PFKP: variants seen among roughly 807,000 people sequenced by gnomAD.
PFKP encodes the protein phosphofructokinase, platelet, also known as ATP-dependent 6-phosphofructokinase, platelet type.
PFKP carries 101 observed loss-of-function variants against 94.3 expected under a neutral mutation model. The observed-to-expected ratio is 1.07, with a 90% CI of 0.91 to 1.26. The LOEUF (loss-of-function observed/expected upper bound fraction) is 1.26, where lower values mean the gene tolerates loss of function less well. Among genes scored for constraint, PFKP ranks in the 50% most tolerant of loss-of-function variants. PFKP has a pLI of 0.00. For synonymous variants in PFKP, 573 were observed against 432.6 expected (o/e 1.32, Z -4.03); for missense variants, 1,145 against 1,103.3 (o/e 1.04, Z -0.53).
intron 15 of PFKP, 131 bp from the exon 16 acceptor site, chr10:3,119,761 G>A (rs964909729): frequency 1.6e-5 from 11 of 672,700 alleles, no homozygotes; most frequent in Admixed American, 5.1e-5. Flanking sequence ...TGTTGATCTC[G>A]GAGTGTTTTC....
chr10:3,130,098 T>C, intron 17 of PFKP, 115 bp downstream of exon 17: 2 of 930,716 alleles, frequency 2.1e-6, no homozygotes, highest in East Asian at 2.7e-5. Context: ...ATGGAGATGC[T>C]ACAGAACATG....
Position 3,103,809 on chromosome 10 carries a change from A to G in PFKP, c.485A>G (p.Tyr162Cys), listed in dbSNP as rs140122747. The change falls in exon 5 of 22, where the codon TAC (tyrosine) becomes TGC (cysteine). Residue 162 changes from tyrosine (Y) to cysteine (C), a missense_variant. Physicochemically the swap from Tyr to Cys is radical, Grantham distance 194. Around this residue, in one of 3 missense-constraint regions of PFKP, gnomAD observed 1,119 missense variants for 1,062.8 expected, o/e 1.05. Coordinates refer to ENST00000381125, the MANE Select transcript of PFKP (RefSeq NM_002627.5). The part of the protein sequence containing the change: ...GQIDKEAVQK[Y>C]AYLNVVGMVG... Reference sequence around the variant, plus strand: ...ATCGATAAGGAGGCCGTGCAGAAGTACGCCTACCTCAACGTGGTGGGCATG... The same window carrying G: ...ATCGATAAGGAGGCCGTGCAGAAGTGCGCCTACCTCAACGTGGTGGGCATG... The G allele has an allele frequency of 2.9e-5, 46 of 1,613,958 alleles. No individual in the cohort carries two copies. The African/African-American group carries it at 4.4e-4, about 15-fold the overall frequency.
chr10:3,076,352 G>T (rs898771763), intron 1 of PFKP, among the ~76,000 whole-genome samples: 64 of 152,252 alleles, frequency 4.2e-4, no homozygotes, highest in African/African-American at 1.5e-3. Flanking sequence ...GCCACGCAGA[G>T]GACCCTGGAA....
At chr10:3,087,494 T>C (rs1833695113) in intron 2 of PFKP, among the ~76,000 whole-genome samples, 1 of 152,366 alleles carries the variant, frequency 6.6e-6, no homozygotes, top group African/African-American at 2.4e-5. Flanking sequence ...ACGGAATTTC[T>C]GCAATTCTTC....
rs1247882360 is a variant in PFKP, at chr10:3,119,805, T to G, written c.1531-87T>G. 3.3e-6 allele frequency: 4 copies of G among 1,209,248 alleles called. No homozygotes were observed. In the African/African-American group the frequency reaches 5.9e-5, roughly 18 times the overall value. The allele number at this position is 1,209,248 out of a possible 1,614,324, so 74.9% of individuals were successfully genotyped here. On this transcript the variant is annotated intron_variant, in intron 15 of 21. Coordinates refer to ENST00000381125, the MANE Select transcript of PFKP (RefSeq NM_002627.5). ...CCAGTGTGCTCCCTGCGTGCTGTGG[T>G]GGAGGTGGCGCTCCCAGCCTCTCCC...
chr10:3,110,128 G>T (rs1005284380), intron 10 of PFKP, among the ~76,000 whole-genome samples: 1 of 152,204 alleles, frequency 6.6e-6, no homozygotes, highest in African/African-American at 2.4e-5. Context: ...GGGAAAAGCA[G>T]TTCCAGCTTT....
intron 1 of PFKP, among the ~76,000 whole-genome samples, chr10:3,080,380 G>A (rs1832957516): frequency 6.6e-6 from 1 of 152,036 alleles, no homozygotes; most frequent in East Asian, 1.9e-4. Flanking sequence ...AGCCAGGCGT[G>A]GTGGCGGGCG....
chr10:3,126,161 C>T lies in PFKP; in HGVS notation c.1684-3658C>T, dbSNP rs572697223. On this transcript the variant is annotated intron_variant, in intron 16 of 21. Transcript: ENST00000381125. ...ACCTCGGAAGACAGCAGTTCTATTC[C>T]GGGTACTTCCTTCAGAGCTGAGTTA... Among the ~76,000 whole-genome samples, 267 of 152,314 alleles carry T rather than the reference C, an allele frequency of 1.8e-3. 2 individuals carry two copies. Among genetic ancestry groups the T allele is most frequent in the African/African-American group, 6.0e-3 (250 of 41,562 alleles).
At chr10:3,132,207 C>T (rs929185969) in intron 17 of PFKP, among the ~76,000 whole-genome samples, 173 bp from the exon 18 acceptor site, 15 of 152,206 alleles carry the variant, frequency 9.9e-5, no homozygotes, top group African/African-American at 3.4e-4. Flanking sequence ...TCGCTGCAGA[C>T]GTGTCCTCCC....
rs1299815039 is a variant in PFKP at position 3,089,306 on chromosome 10, T to C, written c.186+6845T>C. Among the ~76,000 whole-genome samples the C allele has an allele frequency of 3.3e-5, 5 of 152,244 alleles. No homozygotes were observed. The East Asian group carries it at 9.6e-4, about 29-fold the overall frequency. On this transcript the variant is annotated intron_variant, in intron 2 of 21. Transcript: ENST00000381125. ...ACAAATGATGGGGTTTTCTCCTTTA[T>C]GGGTGAACGGTGTTGTGTTGTGGGC...
chr10:3,068,358 C>A (rs1373610855), intron 1 of PFKP, among the ~76,000 whole-genome samples: 3 of 152,162 alleles, frequency 2.0e-5, no homozygotes, highest in Non-Finnish European at 4.4e-5. Flanking sequence ...GTCCGGCAGC[C>A]CCTCGCGTTT....
chr10:3,120,891 A>C (rs1399588908), intron 16 of PFKP, among the ~76,000 whole-genome samples: 2 of 152,154 alleles, frequency 1.3e-5, no homozygotes, highest in African/African-American at 4.8e-5. Context: ...GAGTTTGAAG[A>C]TCCGTACCTA....
At chr10:3,119,212 C>G (rs1039169875) in intron 15 of PFKP, among the ~76,000 whole-genome samples, 1 of 152,164 alleles carries the variant, frequency 6.6e-6, no homozygotes, top group African/African-American at 2.4e-5. Context: ...GTAGTTATAC[C>G]TAGAATTTTG....
chr10:3,136,392 G>C (rs187888588), intron 21 of PFKP, 58 bp from the exon 22 acceptor site: 2 of 1,590,964 alleles, frequency 1.3e-6, no homozygotes, highest in South Asian at 1.1e-5. Flanking sequence ...CTGGCCAGGC[G>C]GAGGCATCTC....
Position 3,116,799 on chromosome 10 carries a change from T to C in PFKP, c.1395T>C (p.Asp465=), listed in dbSNP as rs1836869506. The C allele has an allele frequency of 6.2e-7, 1 of 1,613,798 alleles. No individual in the cohort carries two copies. Residue 465 remains aspartate (D), a synonymous_variant, in exon 14 of 22, where the codon GAT becomes GAC. Coordinates refer to ENST00000381125, the MANE Select transcript of PFKP (RefSeq NM_002627.5). The part of the protein sequence containing the change: ...KGQIKEIGWT[D]VGGWTGQGGS... ...AGATCAAAGAAATCGGCTGGACAGA[T>C]GTCGGGGGCTGGACCGGCCAAGGAG...
At position 3,067,688 on chromosome 10, in the gene PFKP, C is replaced by T. The variant is rs1282834167; in HGVS notation, c.93C>T (p.Thr31=). ...CCGGCAAGGCCATCGGCGTGCTGAC[C>T]AGCGGCGGGGATGCTCAAGGTGCGC... ...SGAGKAIGVL[T]SGGDAQGMNA... is the part of the protein sequence containing the mutation. Residue 31 remains threonine (T), a synonymous_variant, in exon 1 of 22, where the codon ACC becomes ACT. Coordinates refer to ENST00000381125, the MANE Select transcript of PFKP (RefSeq NM_002627.5). 1 of 1,514,708 alleles carries T rather than the reference C, an allele frequency of 6.6e-7. No homozygotes were observed. 93.8% of individuals were successfully genotyped at this position (1,514,708 alleles called of 1,614,324 possible).
chr10:3,073,826 T>TG (rs373944865), intron 1 of PFKP, among the ~76,000 whole-genome samples: 99 of 148,544 alleles, frequency 6.7e-4, no homozygotes, highest in Admixed American at 3.0e-3. Flanking sequence ...TGTGTGTGTG[T>TG]TTTTTTTGTT....
chr10:3,095,670 T>C (rs1834424593), intron 2 of PFKP, among the ~76,000 whole-genome samples: 1 of 152,368 alleles, frequency 6.6e-6, no homozygotes, highest in Middle Eastern at 3.4e-3. Context: ...GGGCTTTGGC[T>C]GTAGTAAGAT....
chr10:3,118,966 G>A (rs952400696), intron 15 of PFKP, 97 bp downstream of exon 15: 39 of 842,340 alleles, frequency 4.6e-5, no homozygotes, highest in Non-Finnish European at 4.4e-5. Context: ...GCCACGATCC[G>A]AGATGATAGG....
Sources: allele counts gnomAD v4.1 joint callset (sites outside exome capture counted in the v4.1 genomes callset), GRCh38; gene constraint gnomAD v4.1.1; regional missense constraint gnomAD v4.1.1; transcripts MANE v1.5; gene names NCBI Gene and HGNC (gene_info 2026-07-23, HGNC 2026-07-21).